Variants in RBM42 observed in about 807,000 individuals in gnomAD.
The protein encoded by RBM42 is RNA-binding protein 42.
A neutral mutation model predicts 41.4 loss-of-function variants in RBM42; 21 were observed. That is an observed-to-expected ratio of 0.51 (90% CI 0.36 to 0.73). The LOEUF is 0.73. RBM42 is among the 30% of genes least tolerant of loss of function. The probability of loss-of-function intolerance (pLI) is 0.00; values close to 1 mark genes in which losing one functional copy is unlikely to be tolerated. For synonymous variants in RBM42, 272 were observed against 271.2 expected, an observed-to-expected ratio of 1.00 and a Z score of -0.03; for missense variants, 539 against 680.4, an observed-to-expected ratio of 0.79 and a Z score of 2.31.
chr19:35,631,098 A>G (rs756789227), intron 2 of RBM42, 42 bp from the exon 3 acceptor site: 2 of 1,558,016 alleles, frequency 1.3e-6, no homozygotes, highest in East Asian at 4.5e-5. Context: ...AGCAGATGGG[A>G]ATGCTGAGTC....
intron 8 of RBM42, 42 bp downstream of exon 8, chr19:35,634,415 G>T: frequency 6.9e-7 from 1 of 1,444,010 alleles, no homozygotes; most frequent in Non-Finnish European, 9.7e-7. Flanking sequence ...CTCGGCCAAG[G>T]TCAGACCAGG....
rs548359503 is a variant in RBM42, at chr19:35,635,902, T to G, written c.1136-1256T>G. Among the ~76,000 whole-genome samples, 901 of 152,312 alleles carry G rather than the reference T, an allele frequency of 5.9e-3. 8 individuals are homozygous for G. Among genetic ancestry groups the G allele is most frequent in the African/African-American group, 0.021 (856 of 41,562 alleles). ...TTTGAAGTGTCCAGGGCAGTTGTCATGTATGATGTCCCACCTTCTGAGTTT... is the reference window on the plus strand; with the variant it reads ...TTTGAAGTGTCCAGGGCAGTTGTCAGGTATGATGTCCCACCTTCTGAGTTT... On this transcript the variant is annotated intron_variant, in intron 8 of 9. Transcript: ENST00000262633.
At chr19:35,629,406 G>T (rs1053390092) in intron 1 of RBM42, 114 bp from the exon 2 acceptor site, 168 of 1,537,146 alleles carry the variant, frequency 1.1e-4, no homozygotes, top group Middle Eastern at 3.5e-4. Flanking sequence ...CTTCGGGATT[G>T]TGGGGGCGGG....
Position 35,634,320 on chromosome 19 carries a change from G to A in RBM42, c.1082G>A (p.Arg361His). Reference protein sequence around the residue: ...GKPEKLKRCIRTAAGSSWEDP... With the variant: ...GKPEKLKRCIHTAAGSSWEDP... ...CCAGAGAAATTGAAACGGTGCATTC[G>A]CACAGCGGCAGGGAGCAGCTGGGAG... Residue 361 changes from arginine to histidine, a missense_variant, in exon 8 of 10, where the codon CGC (arginine) becomes CAC (histidine). This residue lies in a region of RBM42 where 110 missense variants were observed against 191.5 expected (regional missense o/e 0.57). Coordinates refer to ENST00000262633, the MANE Select transcript of RBM42 (RefSeq NM_024321.5). The A allele has an allele frequency of 5.6e-6, 9 of 1,614,164 alleles. No homozygotes were observed. Among genetic ancestry groups the A allele is most frequent in the Non-Finnish European group, 7.6e-6 (9 of 1,180,014 alleles).
At position 35,631,182 on chromosome 19, in the gene RBM42, G is replaced by A. The variant is rs763778805; in HGVS notation, c.325G>A (p.Val109Ile). ...GGCCCGAGCAGCTGCTGCAGCCACA[G>A]TAGTTCCTCCCATGGTGGGTGGCCC... ...LEARAAAAAT[V>I]VPPMVGGPPF... Residue 109 changes from valine to isoleucine, a missense_variant, in exon 3 of 10, where the codon GTA (valine) becomes ATA (isoleucine). Val to Ile is a conservative substitution (Grantham distance 29). Around this residue, in one of 2 missense-constraint regions of RBM42, gnomAD observed 429 missense variants for 488.9 expected, o/e 0.88. Transcript: ENST00000262633. The A allele has an allele frequency of 1.9e-6, 3 of 1,614,204 alleles. No homozygotes were observed. Among genetic ancestry groups the A allele is most frequent in the East Asian group, 2.2e-5 (1 of 44,886 alleles).
intron 8 of RBM42, 146 bp downstream of exon 8, chr19:35,634,519 A>G (rs1475151264): frequency 2.3e-5 from 14 of 601,814 alleles, no homozygotes; most frequent in Non-Finnish European, 4.1e-5. Flanking sequence ...GCTATGGCTC[A>G]GGGGCTGGTT....
At position 35,634,033 on chromosome 19, in the gene RBM42, C is replaced by T. The variant is rs1285727839; in HGVS notation, c.1017+14C>T. On this transcript the variant is annotated intron_variant, in intron 7 of 9. Transcript: ENST00000262633. ...ATGGCTCTTGAGGTAAGCAGGGAGC[C>T]TAGCGGTGAAGGGACAGAAGGGACG... 7 of 1,485,614 alleles carry T rather than the reference C, an allele frequency of 4.7e-6. No individual in the cohort carries two copies. The highest frequency in any genetic ancestry group is 6.2e-6 in the Non-Finnish European group (7 of 1,122,430). The allele number at this position is 1,485,614 out of a possible 1,614,324, so 92.0% of individuals were successfully genotyped here.
intron 4 of RBM42, 114 bp downstream of exon 4, chr19:35,631,519 A>G: frequency 1.0e-6 from 1 of 986,432 alleles, no homozygotes. Context: ...TCCCAACTTG[A>G]TGTTGTCATC....
chr19:35,633,856 C>T lies in RBM42; in HGVS notation c.854C>T (p.Pro285Leu). The T allele has an allele frequency of 6.3e-7, 1 of 1,575,594 alleles. No individual in the cohort carries two copies. The highest frequency in any genetic ancestry group is 8.6e-7 in the Non-Finnish European group (1 of 1,164,734). The stretch of plus-strand genomic sequence containing the variant: ...CCTGCAGTCATTGGGCCCAGCCTGC[C>T]GCTGGCCCTGGCCATGCCATTGCCC... Reference protein sequence around the residue: ...AGPAVIGPSLPLALAMPLPEP... With the variant: ...AGPAVIGPSLLLALAMPLPEP... Residue 285 changes from proline to leucine, a missense_variant, in exon 7 of 10, where the codon CCG becomes CTG. Coordinates refer to ENST00000262633, the MANE Select transcript of RBM42 (RefSeq NM_024321.5).
chr19:35,632,087 T>C (rs992112132), intron 4 of RBM42, among the ~76,000 whole-genome samples: 6 of 152,256 alleles, frequency 3.9e-5, no homozygotes, highest in Non-Finnish European at 8.8e-5. Context: ...CTTACTTGGA[T>C]GTAAAATTCT....
In RBM42 at chr19:35,629,108, C is replaced by T; in HGVS notation, c.-46C>T. ...GAGTAGACAGCAGAACCAGCGGCGG[C>T]GGCTAAGCAGAGACTGTAGTAGCGG... On this transcript the variant is annotated 5_prime_UTR_variant, in exon 1 of 10. Transcript: ENST00000262633. 2 of 1,481,846 alleles carry T rather than the reference C, an allele frequency of 1.3e-6. No homozygotes were observed. The highest frequency in any genetic ancestry group is 1.4e-5 in the African/African-American group (1 of 69,686). 91.8% of individuals were successfully genotyped at this position (1,481,846 alleles called of 1,614,324 possible). A position where few individuals can be genotyped will look rare whatever the true frequency, so the allele number is the denominator to read the frequency against.
chr19:35,637,005 G>A lies in RBM42; in HGVS notation c.1136-153G>A, dbSNP rs1485615495. On this transcript the variant is annotated intron_variant, in intron 8 of 9. Transcript: ENST00000262633. This position sits in a 1 kb window ranked among gnomAD's most constrained non-coding sequence, Gnocchi z 7.0. ...AAACACCCCTCCAGGTGCCAGCAGAGCTCCTGGCGCAGGGTCAGTAGGTGT... is the reference window on the plus strand; with the variant it reads ...AAACACCCCTCCAGGTGCCAGCAGAACTCCTGGCGCAGGGTCAGTAGGTGT... Among the ~76,000 whole-genome samples the A allele has an allele frequency of 6.6e-6, 1 of 152,038 alleles. No homozygotes were observed. The highest frequency in any genetic ancestry group is 1.9e-4 in the East Asian group (1 of 5,168).
chr19:35,637,599 C>T lies in RBM42; in HGVS notation c.*45C>T, dbSNP rs753447463. ...GCTCCCACCTGGCCGGGCGCTGGCT[C>T]CTCCCTCAGTTCTCTTTGGAAAACC... On this transcript the variant is annotated 3_prime_UTR_variant, in exon 10 of 10. Transcript: ENST00000262633. The surrounding 1 kb of genome is among the most constrained non-coding windows in gnomAD (Gnocchi z 7.0). 2.0e-6 allele frequency: 3 copies of T among 1,475,252 alleles called. No homozygotes were observed. The highest frequency in any genetic ancestry group is 3.6e-5 in the Admixed American group (2 of 55,542). 91.4% of individuals were successfully genotyped at this position (1,475,252 alleles called of 1,614,324 possible). A position where few individuals can be genotyped will look rare whatever the true frequency, so the allele number is the denominator to read the frequency against.
At chr19:35,636,158 T>G (rs914746957) in intron 8 of RBM42, among the ~76,000 whole-genome samples, 9 of 151,814 alleles carry the variant, frequency 5.9e-5, no homozygotes, top group Non-Finnish European at 8.8e-5. Flanking sequence ...CTTTTGTTTT[T>G]TTTTTTTTTC....
At chr19:35,629,344 C>A (rs1179460351) in intron 1 of RBM42, 63 bp downstream of exon 1, 3 of 1,483,864 alleles carry the variant, frequency 2.0e-6, no homozygotes, top group South Asian at 1.3e-5. Context: ...AATCTCGGAG[C>A]CTCCAGGCCT....
chr19:35,633,795 G>T lies in RBM42; in HGVS notation c.793G>T (p.Ala265Ser). Residue 265 changes from alanine (A) to serine (S), a missense_variant, in exon 7 of 10, where the codon GCT becomes TCT. Ala to Ser is a moderately conservative substitution (Grantham distance 99). Transcript: ENST00000262633. ...GGCTGGGCTGGAGGAGGCTAGCGCG[G>T]CTGTGGCCGTGGGGGCAGGAGGTGC... Reference protein sequence around the residue: ...AAAGLEEASAAVAVGAGGAPA... With the variant: ...AAAGLEEASASVAVGAGGAPA... The T allele has an allele frequency of 6.7e-7, 1 of 1,501,712 alleles. No homozygotes were observed. The highest frequency in any genetic ancestry group is 8.8e-7 in the Non-Finnish European group (1 of 1,133,420). 93.0% of individuals were successfully genotyped at this position (1,501,712 alleles called of 1,614,324 possible).
In RBM42 at chr19:35,633,188, T is replaced by C; in HGVS notation, c.620T>C (p.Leu207Pro). ...LPGPPGPPMM[L>P]PPMARAPGPP... ...GGGCCCCCTGGACCACCCATGATGCTGCCACCAATGGCTCGGGCTCCAGGG... is the reference window on the plus strand; with the variant it reads ...GGGCCCCCTGGACCACCCATGATGCCGCCACCAATGGCTCGGGCTCCAGGG... Residue 207 changes from leucine (L) to proline (P), a missense_variant, in exon 6 of 10, where the codon CTG becomes CCG. Leu to Pro is a moderately conservative substitution (Grantham distance 98, BLOSUM62 -3). Coordinates refer to ENST00000262633, the MANE Select transcript of RBM42 (RefSeq NM_024321.5). 2 of 1,612,574 alleles carry C rather than the reference T, an allele frequency of 1.2e-6. No homozygotes were observed. Among genetic ancestry groups the C allele is most frequent in the Non-Finnish European group, 1.7e-6 (2 of 1,179,204 alleles).
intron 8 of RBM42, among the ~76,000 whole-genome samples, chr19:35,636,194 T>G (rs569947792): frequency 3.2e-4 from 48 of 150,796 alleles, no homozygotes; most frequent in Admixed American, 9.2e-4. Flanking sequence ...AGTCTCGCAC[T>G]GTCACCCAGG....
rs1967357733 is a variant in RBM42, at chr19:35,629,102, C to T, written c.-52C>T. 3.4e-6 allele frequency: 5 copies of T among 1,478,748 alleles called. No individual in the cohort carries two copies. The highest frequency in any genetic ancestry group is 2.7e-5 in the Admixed American group (1 of 36,502). The allele number at this position is 1,478,748 out of a possible 1,614,324, so 91.6% of individuals were successfully genotyped here. ...GGGGGAGAGTAGACAGCAGAACCAG[C>T]GGCGGCGGCTAAGCAGAGACTGTAG... On this transcript the variant is annotated 5_prime_UTR_variant, in exon 1 of 10. Transcript: ENST00000262633.
Sources: allele counts gnomAD v4.1 joint callset (sites outside exome capture counted in the v4.1 genomes callset), GRCh38; gene constraint gnomAD v4.1.1; regional missense constraint gnomAD v4.1.1; non-coding constraint Gnocchi (gnomAD v3.1); transcripts MANE v1.5; gene names NCBI Gene and HGNC (gene_info 2026-07-23, HGNC 2026-07-21).